The following DNAJB6 variants were observed in gnomAD, a reference collection of about 807,000 sequenced individuals.
DNAJB6 encodes DnaJ heat shock protein family (Hsp40) member B6.
Under a neutral mutation model 42.7 loss-of-function variants are expected in DNAJB6, and 16 were observed. The observed-to-expected ratio is 0.37, with a 90% CI of 0.25 to 0.57. The LOEUF (loss-of-function observed/expected upper bound fraction) is 0.57. DNAJB6 is among the 20% of genes least tolerant of loss of function. The pLI, the probability that DNAJB6 is intolerant of heterozygous loss-of-function variation, is 0.74. For missense variants in DNAJB6, 347 were observed against 416.8 expected (o/e 0.83, Z 1.46); for synonymous variants, 170 against 163.5 (o/e 1.04, Z -0.30).
intron 7 of DNAJB6, 113 bp from the exon 8 acceptor site, chr7:157,385,428 G>T: frequency 8.5e-7 from 1 of 1,178,632 alleles, no homozygotes; most frequent in Non-Finnish European, 1.2e-6. Flanking sequence ...TTTACAGCCT[G>T]AAAATTACTT....
intron 1 of DNAJB6, 97 bp from the exon 2 acceptor site, chr7:157,358,450 G>A: frequency 5.3e-6 from 4 of 748,260 alleles, no homozygotes; most frequent in Non-Finnish European, 6.9e-6. Flanking sequence ...AGGTGCTAAG[G>A]TGACACCACC....
intron 1 of DNAJB6, among the ~76,000 whole-genome samples, chr7:157,351,298 G>A (rs986561334): frequency 1.3e-5 from 2 of 152,098 alleles, no homozygotes; most frequent in African/African-American, 2.4e-5. Flanking sequence ...AAGCCTGACT[G>A]TCTCCCAACT....
intron 1 of DNAJB6, among the ~76,000 whole-genome samples, chr7:157,341,863 T>C (rs182365820): frequency 6.6e-6 from 1 of 152,334 alleles, no homozygotes; most frequent in East Asian, 1.9e-4. Flanking sequence ...GACTGAGTAC[T>C]TAACCGAGTG....
At chr7:157,342,240 T>C (rs921600472) in intron 1 of DNAJB6, among the ~76,000 whole-genome samples, 9 of 151,444 alleles carry the variant, frequency 5.9e-5, no homozygotes, top group Middle Eastern at 3.4e-3. Flanking sequence ...TGATCTCAGC[T>C]CACCCCAGCC....
intron 8 of DNAJB6, among the ~76,000 whole-genome samples, chr7:157,392,711 G>A (rs967955857): frequency 2.6e-5 from 4 of 152,182 alleles, no homozygotes; most frequent in African/African-American, 9.7e-5. Flanking sequence ...GTCAGTGCGA[G>A]GAACACCCCA....
At chr7:157,367,104 AATGTTAC>A (rs1165777263) in intron 4 of DNAJB6, among the ~76,000 whole-genome samples, 2 of 152,180 alleles carry the variant, frequency 1.3e-5, no homozygotes, top group Non-Finnish European at 2.9e-5. Flanking sequence ...AATGGTGTGT[AATGTTAC>A]ATGTTATATG....
chr7:157,357,019 C>A (rs929550644), intron 1 of DNAJB6, among the ~76,000 whole-genome samples: 16 of 150,400 alleles, frequency 1.1e-4, no homozygotes, highest in African/African-American at 3.7e-4. Flanking sequence ...AGTTTTAGGT[C>A]CAGGTTTGGT....
chr7:157,387,143 G>A (rs1306713963), intron 8 of DNAJB6, among the ~76,000 whole-genome samples: 1 of 152,172 alleles, frequency 6.6e-6, no homozygotes, highest in Non-Finnish European at 1.5e-5. Flanking sequence ...ATACGCCAGA[G>A]CCCTTAAGCA....
Position 157,339,443 on chromosome 7 carries a change from T to G in DNAJB6, c.-27+2299T>G, listed in dbSNP as rs190579962. ...CTCCCGAGTAGCTGGGACTTCAAGC[T>G]TCCGCCACCACAGCCGGCTAATTTT... On this transcript the variant is annotated intron_variant, in intron 1 of 9. Transcript: ENST00000262177. 4.4e-3 allele frequency among the ~76,000 whole-genome samples: 642 copies of G among 146,818 alleles called. 5 individuals carry two copies. Among genetic ancestry groups the G allele is most frequent in the African/African-American group, 0.015 (613 of 39,688 alleles).
Position 157,380,940 on chromosome 7 carries a change from C to T in DNAJB6, c.347-1306C>T, listed in dbSNP as rs192269697. 5.9e-5 allele frequency: 9 copies of T among 152,204 alleles called. No individual in the cohort carries two copies. The East Asian group carries it at 7.7e-4, about 13-fold the overall frequency. 9.4% of individuals were successfully genotyped at this position (152,204 alleles called of 1,614,324 possible). A position where few individuals can be genotyped will look rare whatever the true frequency, so the allele number is the denominator to read the frequency against. ...GGGTTTTGGCTGCCCACCTGTACGTCGGTCCTTTCAAACTGTGGTCAGAGT... is the reference window on the plus strand; with the variant it reads ...GGGTTTTGGCTGCCCACCTGTACGTTGGTCCTTTCAAACTGTGGTCAGAGT... On this transcript the variant is annotated intron_variant, in intron 5 of 9. Transcript: ENST00000262177.
chr7:157,343,208 A>T (rs1036927462), intron 1 of DNAJB6, among the ~76,000 whole-genome samples: 33 of 150,670 alleles, frequency 2.2e-4, no homozygotes, highest in African/African-American at 7.6e-4. Flanking sequence ...TTGCTCAGGC[A>T]GGAGTGCAGT....
At chr7:157,377,612 G>C (rs941310607) in intron 5 of DNAJB6, among the ~76,000 whole-genome samples, 1 of 152,200 alleles carries the variant, frequency 6.6e-6, no homozygotes, top group Non-Finnish European at 1.5e-5. Flanking sequence ...GGGGTGGGAT[G>C]GTGTGGGGTG....
chr7:157,367,333 C>G, intron 4 of DNAJB6, 40 bp from the exon 5 acceptor site: 1 of 1,395,046 alleles, frequency 7.2e-7, no homozygotes, highest in South Asian at 1.2e-5. Flanking sequence ...CTACAAAGCA[C>G]CAAAATTCAT....
intron 1 of DNAJB6, among the ~76,000 whole-genome samples, chr7:157,341,082 A>T (rs566729411): frequency 1.3e-5 from 2 of 152,102 alleles, no homozygotes. Flanking sequence ...CCGGCCTGTC[A>T]AAGTGCTAGA....
chr7:157,376,688 C>T (rs753716863), intron 5 of DNAJB6, among the ~76,000 whole-genome samples: 1 of 152,060 alleles, frequency 6.6e-6, no homozygotes, highest in Non-Finnish European at 1.5e-5. Context: ...CCAGACCAGC[C>T]TGGCCAACAT....
intron 5 of DNAJB6, among the ~76,000 whole-genome samples, chr7:157,372,902 T>G (rs1262262643): frequency 6.6e-6 from 1 of 152,214 alleles, no homozygotes; most frequent in Non-Finnish European, 1.5e-5. Flanking sequence ...CCATCCGATG[T>G]TGACATCATC....
intron 5 of DNAJB6, chr7:157,381,206 A>T (rs950886559): frequency 1.3e-5 from 2 of 151,792 alleles, no homozygotes; most frequent in African/African-American, 4.8e-5. Flanking sequence ...TTTATTGTTA[A>T]CATTTGTGAC....
At chr7:157,364,807 T>C (rs1346426610) in intron 3 of DNAJB6, among the ~76,000 whole-genome samples, 11 of 152,234 alleles carry the variant, frequency 7.2e-5, no homozygotes, top group African/African-American at 9.6e-5. Flanking sequence ...GTGTTTTTCA[T>C]GTCCTTTTAG....
intron 8 of DNAJB6, among the ~76,000 whole-genome samples, chr7:157,390,405 C>T (rs994526965): frequency 2.0e-5 from 3 of 152,224 alleles, no homozygotes; most frequent in Admixed American, 2.0e-4. Flanking sequence ...GTTGGTTTCT[C>T]TCTTAAACAG....
Sources: allele counts gnomAD v4.1 joint callset (sites outside exome capture counted in the v4.1 genomes callset), GRCh38; gene constraint gnomAD v4.1.1; transcripts MANE v1.5; gene names NCBI Gene and HGNC (gene_info 2026-07-23, HGNC 2026-07-21).